ZNF512B: variants seen among roughly 807,000 people sequenced by gnomAD.
The protein encoded by ZNF512B is zinc finger protein 512B.
In ZNF512B, 22 loss-of-function variants were observed where a neutral mutation model predicts 87.8. The ratio of observed to expected loss-of-function variants is 0.25; its 90% CI spans 0.18 to 0.36. The LOEUF (loss-of-function observed/expected upper bound fraction) is 0.36. Ranked by LOEUF, ZNF512B falls within the 10% of genes least tolerant of loss-of-function variation. The pLI is 1.00. For missense variants in ZNF512B, 1,060 were observed against 1,231.6 expected (o/e 0.86, Z 2.09); for synonymous variants, 524 against 490.9 (o/e 1.07, Z -0.89).
chr20:63,961,979 A>C lies in ZNF512B; in HGVS notation c.2291T>G (p.Val764Gly). Reference protein sequence around the residue: ...NDCCEAIYSSVSGLKAHLASC... With the variant: ...NDCCEAIYSSGSGLKAHLASC... Reference sequence around the variant, plus strand: ...GGCGAGATGAGCCTTGAGTCCGGACACGCTGGAGTAGATGGCTTCACAGCA... The same window carrying C: ...GGCGAGATGAGCCTTGAGTCCGGACCCGCTGGAGTAGATGGCTTCACAGCA... The change falls in exon 15 of 17, where the codon GTG (valine) becomes GGG (glycine). Residue 764 changes from valine (V) to glycine (G), a missense_variant. Coordinates refer to ENST00000369888, the MANE Select transcript of ZNF512B (RefSeq NM_020713.3). This position sits in a 1 kb window ranked among gnomAD's most constrained non-coding sequence, Gnocchi z 6.4. 1 of 1,551,030 alleles carries C rather than the reference A, an allele frequency of 6.4e-7. No homozygotes were observed.
intron 1 of ZNF512B, among the ~76,000 whole-genome samples, chr20:63,968,434 C>G (rs1295770521): frequency 6.6e-6 from 1 of 152,216 alleles, no homozygotes; most frequent in Admixed American, 6.5e-5. Flanking sequence ...GGCTCACAAG[C>G]TGCCCAGGCC....
Position 63,959,697 on chromosome 20 carries a change from G to A in ZNF512B, c.*191C>T, listed in dbSNP as rs1293896024. ...CACCTTGGGGAGCCCCAACCCAGGT[G>A]TGCCCTGTGGCAGCCTTAACAGGGG... On this transcript the variant is annotated 3_prime_UTR_variant, in exon 17 of 17. Transcript: ENST00000369888. 9 of 843,802 alleles carry A rather than the reference G, an allele frequency of 1.1e-5. No homozygotes were observed. In the South Asian group the frequency reaches 1.8e-4, roughly 17 times the overall value. The allele number at this position is 843,802 out of a possible 1,614,324, so 52.3% of individuals were successfully genotyped here. A position where few individuals can be genotyped will look rare whatever the true frequency, so the allele number is the denominator to read the frequency against.
chr20:63,962,364 G>A lies in ZNF512B; in HGVS notation c.2174C>T (p.Thr725Ile). The change falls in exon 14 of 17, where the codon ACT becomes ATT. Residue 725 changes from threonine to isoleucine, a missense_variant. By Grantham distance (89) the Thr-to-Ile change is moderately conservative. This residue lies in a region of ZNF512B where 253 missense variants were observed against 259.2 expected (regional missense o/e 0.98). Coordinates refer to ENST00000369888, the MANE Select transcript of ZNF512B (RefSeq NM_020713.3). ...LVPETARLNY[T>I]RPGLPTLNPQ... ...GTTCAGCGTGGGGAGCCCTGGTCGA[G>A]TGTAGTTGAGCTGTGAATTCGACAG... 6.2e-7 allele frequency: 1 copy of A among 1,612,046 alleles called. No homozygotes were observed. Among genetic ancestry groups the A allele is most frequent in the Non-Finnish European group, 8.5e-7 (1 of 1,179,662 alleles).
At position 63,969,836 on chromosome 20, in the gene ZNF512B, G is replaced by T; in HGVS notation, c.-25C>A. On this transcript the variant is annotated 5_prime_UTR_variant, in exon 1 of 17. Transcript: ENST00000369888. ...TACCTGCGGCGCCCAGCGGGGCTGC[G>T]GCCGGGCCGGGCCGGGCCGGGGCGG... is the stretch of plus-strand genomic sequence containing the variant. 7.5e-6 allele frequency: 1 copy of T among 133,936 alleles called. No homozygotes were observed. Among genetic ancestry groups the T allele is most frequent in the South Asian group, 2.2e-4 (1 of 4,574 alleles). 8.3% of individuals were successfully genotyped at this position (133,936 alleles called of 1,614,324 possible).
intron 14 of ZNF512B, 134 bp from the exon 15 acceptor site, chr20:63,962,138 G>C: frequency 7.7e-7 from 1 of 1,300,612 alleles, no homozygotes; most frequent in Non-Finnish European, 1.1e-6. Flanking sequence ...GACTGGGCAG[G>C]CTGGGCATGT....
chr20:63,956,718 T>C lies in ZNF512B; in HGVS notation c.*3170A>G. The C allele has an allele frequency of 5.3e-6, 1 of 187,970 alleles. No individual in the cohort carries two copies. Among genetic ancestry groups the C allele is most frequent in the Non-Finnish European group, 1.1e-5 (1 of 91,646 alleles). The allele number at this position is 187,970 out of a possible 1,614,324, so 11.6% of individuals were successfully genotyped here. A position where few individuals can be genotyped will look rare whatever the true frequency, so the allele number is the denominator to read the frequency against. Reference sequence around the variant, plus strand: ...CACAAAAACCCTGGAAAAAAATCAATAAACATTTATTTGATACAGTCATTT... The same window carrying C: ...CACAAAAACCCTGGAAAAAAATCAACAAACATTTATTTGATACAGTCATTT... On this transcript the variant is annotated 3_prime_UTR_variant, in exon 17 of 17. Coordinates refer to ENST00000369888, the MANE Select transcript of ZNF512B (RefSeq NM_020713.3).
chr20:63,963,219 T>C lies in ZNF512B; in HGVS notation c.1844A>G (p.Gln615Arg), dbSNP rs1251340229. 6.5e-7 allele frequency: 1 copy of C among 1,547,338 alleles called. No homozygotes were observed. Reference protein sequence around the residue: ...FSSLMGYQYHQRRCGKPPCEV... With the variant: ...FSSLMGYQYHRRRCGKPPCEV... ...GCAGGGCGGCTTCCCGCAGCGCCGC[T>C]GGTGGTACTGGTAGCCCATGAGGCT... is the stretch of plus-strand genomic sequence containing the variant. Residue 615 changes from glutamine (Q) to arginine (R), a missense_variant, in exon 12 of 17, where the codon CAG becomes CGG. Physicochemically the swap from Gln to Arg is conservative, Grantham distance 43 (BLOSUM62 1). Transcript: ENST00000369888.
Position 63,966,758 on chromosome 20 carries a change from G to A in ZNF512B, c.417C>T (p.Ala139=), listed in dbSNP as rs1219232886. The change falls in exon 5 of 17, where the codon GCC becomes GCT. Residue 139 remains alanine, a synonymous_variant. Transcript: ENST00000369888. ...CQGGAISDRL[A]FPCPFCEAAF... ...CGGCCTCGCAGAAGGGGCAGGGGAA[G>A]GCCAGGCGATCTGAGATGGCACCCT... The A allele has an allele frequency of 6.3e-7, 1 of 1,598,446 alleles. No individual in the cohort carries two copies. The highest frequency in any genetic ancestry group is 1.1e-5 in the South Asian group (1 of 88,996).
chr20:63,961,825 G>A lies in ZNF512B; in HGVS notation c.2328+117C>T, dbSNP rs542555647. 31 of 1,104,430 alleles carry A rather than the reference G, an allele frequency of 2.8e-5. No individual in the cohort carries two copies. The highest frequency in any genetic ancestry group is 7.8e-5 in the African/African-American group (5 of 64,312). The allele number at this position is 1,104,430 out of a possible 1,614,324, so 68.4% of individuals were successfully genotyped here. ...CTGGGTTCGTGGAAGAGGAGGCCAC[G>A]TAGAAAAAGTAGGGGACAAGGCAGG... On this transcript the variant is annotated intron_variant, in intron 15 of 16. Coordinates refer to ENST00000369888, the MANE Select transcript of ZNF512B (RefSeq NM_020713.3). This position sits in a 1 kb window ranked among gnomAD's most constrained non-coding sequence, Gnocchi z 6.4.
intron 1 of ZNF512B, 87 bp from the exon 2 acceptor site, chr20:63,968,039 G>A: frequency 6.7e-7 from 1 of 1,494,712 alleles, no homozygotes; most frequent in Non-Finnish European, 9.0e-7. Flanking sequence ...GCCCTTGGCA[G>A]GTCCTCTCTG....
Position 63,962,618 on chromosome 20 carries a change from A to G in ZNF512B, c.2132T>C (p.Met711Thr). 1 of 1,607,946 alleles carries G rather than the reference A, an allele frequency of 6.2e-7. No homozygotes were observed. Among genetic ancestry groups the G allele is most frequent in the South Asian group, 1.1e-5 (1 of 90,624 alleles). The change falls in exon 13 of 17, where the codon ATG (methionine) becomes ACG (threonine). Residue 711 changes from methionine (M) to threonine (T), a missense_variant. Physicochemically the swap from Met to Thr is moderately conservative, Grantham distance 81. This residue lies in a region of ZNF512B where 253 missense variants were observed against 259.2 expected (regional missense o/e 0.98). Transcript: ENST00000369888. ...ELARDWTKRR[M>T]KDDLVPETAR... is the part of the protein sequence containing the mutation. ...GGTCTCGGGCACAAGGTCATCCTTC[A>G]TGCGCCGCTTGGTCCAGTCGCGGGC...
At position 63,961,820 on chromosome 20, in the gene ZNF512B, G is replaced by A; in HGVS notation, c.2328+122C>T. The A allele has an allele frequency of 9.7e-7, 1 of 1,030,658 alleles. No individual in the cohort carries two copies. Among genetic ancestry groups the A allele is most frequent in the Non-Finnish European group, 1.4e-6 (1 of 693,320 alleles). 63.8% of individuals were successfully genotyped at this position (1,030,658 alleles called of 1,614,324 possible). On this transcript the variant is annotated intron_variant, in intron 15 of 16. Coordinates refer to ENST00000369888, the MANE Select transcript of ZNF512B (RefSeq NM_020713.3). The surrounding 1 kb of genome is among the most constrained non-coding windows in gnomAD (Gnocchi z 6.4). ...AGTCTCTGGGTTCGTGGAAGAGGAG[G>A]CCACGTAGAAAAAGTAGGGGACAAG... is the stretch of plus-strand genomic sequence containing the variant.
At position 63,969,915 on chromosome 20, in the gene ZNF512B, T is replaced by C. The variant is rs2058963870; in HGVS notation, c.-104A>G. On this transcript the variant is annotated 5_prime_UTR_variant, in exon 1 of 17. Coordinates refer to ENST00000369888, the MANE Select transcript of ZNF512B (RefSeq NM_020713.3). ...GGGCGGCGCAGGCTGCGCGCCGCGCTGCGCACATGCGCGCTCCCGCCCCTC... is the reference window on the plus strand; with the variant it reads ...GGGCGGCGCAGGCTGCGCGCCGCGCCGCGCACATGCGCGCTCCCGCCCCTC... The C allele has an allele frequency of 6.8e-6, 1 of 147,260 alleles. No individual in the cohort carries two copies. Among genetic ancestry groups the C allele is most frequent in the African/African-American group, 2.5e-5 (1 of 40,578 alleles). The allele number at this position is 147,260 out of a possible 1,614,324, so 9.1% of individuals were successfully genotyped here. A position where few individuals can be genotyped will look rare whatever the true frequency, so the allele number is the denominator to read the frequency against.
rs781691995 is a variant in ZNF512B at position 63,962,275 on chromosome 20, C to T, written c.2263G>A (p.Asp755Asn). Reference sequence around the variant, plus strand: ...CCCACCCGGCTGCCTCCGCTCACGTCGTTGGGACAGTTGACGTGGCCTTTC... The same window carrying T: ...CCCACCCGGCTGCCTCCGCTCACGTTGTTGGGACAGTTGACGTGGCCTTTC... ...KEKGHVNCPN[D>N]CCEAIYSSVS... is the part of the protein sequence containing the mutation. Residue 755 changes from aspartate (D) to asparagine (N), a missense_variant and splice_region_variant, in exon 14 of 17, where the codon GAC (aspartate) becomes AAC (asparagine). Physicochemically the swap from Asp to Asn is conservative, Grantham distance 23 (BLOSUM62 1). This residue lies in a region of ZNF512B where 253 missense variants were observed against 259.2 expected (regional missense o/e 0.98). Coordinates refer to ENST00000369888, the MANE Select transcript of ZNF512B (RefSeq NM_020713.3). 19 of 1,610,190 alleles carry T rather than the reference C, an allele frequency of 1.2e-5. No homozygotes were observed. The highest frequency in any genetic ancestry group is 6.7e-5 in the East Asian group (3 of 44,896).
At chr20:63,969,182 G>A (rs1440428280) in intron 1 of ZNF512B, 1 of 985,372 alleles carries the variant, frequency 1.0e-6, no homozygotes, top group Non-Finnish European at 1.2e-6. Flanking sequence ...AGCACCTGAT[G>A]ACCCCGGTGG....
At position 63,966,347 on chromosome 20, in the gene ZNF512B, A is replaced by AATGGGTTTGGTGACAGGT. The variant is rs758122745; in HGVS notation, c.810_827dup (p.Pro271_Ile276dup). On this transcript the variant is annotated inframe_insertion, in exon 5 of 17. Coordinates refer to ENST00000369888, the MANE Select transcript of ZNF512B (RefSeq NM_020713.3). ...TAACTGTCACAAGCTTTGTTACCGT[A>AATGGGTTTGGTGACAGGT]ATGGGTTTGGTGACAGGTACGGGTT... The AATGGGTTTGGTGACAGGT allele has an allele frequency of 1.3e-6, 2 of 1,593,510 alleles. No homozygotes were observed. The highest frequency in any genetic ancestry group is 1.7e-6 in the Non-Finnish European group (2 of 1,166,024).
At position 63,966,975 on chromosome 20, in the gene ZNF512B, C is replaced by T. The variant is rs756404146; in HGVS notation, c.294G>A (p.Glu98=). The change falls in exon 4 of 17, where the codon GAG becomes GAA. Residue 98 remains glutamate, a synonymous_variant. Transcript: ENST00000369888. ...ACTTCACCCTCGAGTGTGCCTTGAA[C>T]TCATCCTTCCAGTCGTTCATCAGGG... ...PLSLMNDWKD[E]FKAHSRVKCP... 9.9e-6 allele frequency: 16 copies of T among 1,613,584 alleles called. No homozygotes were observed. The highest frequency in any genetic ancestry group is 6.7e-5 in the Admixed American group (4 of 60,006).
Position 63,964,173 on chromosome 20 carries a change from T to G in ZNF512B, c.1378A>C (p.Lys460Gln). The G allele has an allele frequency of 6.3e-7, 1 of 1,599,510 alleles. No homozygotes were observed. The highest frequency in any genetic ancestry group is 8.5e-7 in the Non-Finnish European group (1 of 1,173,846). The part of the protein sequence containing the change: ...EDKARVHRSK[K>Q]QEGPGPEDAR... ...TCCTCAGGGCCTGGCCCCTCCTGCT[T>G]CTTGGAGCGGTGAACTCGGGCCTTG... The change falls in exon 8 of 17, where the codon AAG becomes CAG. Residue 460 changes from lysine (K) to glutamine (Q), a missense_variant. This residue lies in a region of ZNF512B where 212 missense variants were observed against 207.6 expected (regional missense o/e 1.02). Transcript: ENST00000369888.
intron 1 of ZNF512B, chr20:63,969,042 G>A (rs2058954876): frequency 6.8e-6 from 6 of 883,106 alleles, no homozygotes; most frequent in Non-Finnish European, 6.8e-6. Context: ...GAGGGCCAGA[G>A]AGCTGAGGTC....
Sources: gnomAD v4.1 joint callset for allele counts (sites outside exome capture counted in the v4.1 genomes callset) on GRCh38, gnomAD v4.1.1 for gene constraint, gnomAD v4.1.1 regional missense constraint, Gnocchi (gnomAD v3.1) non-coding constraint, MANE v1.5 for transcripts, NCBI Gene and HGNC (gene_info 2026-07-23, HGNC 2026-07-21) for gene names.